Variants in FHOD3 observed in about 807,000 individuals in gnomAD.
FHOD3 encodes the protein FH1/FH2 domain-containing protein 3.
FHOD3 carries 90 observed loss-of-function variants against 173.0 expected under a neutral mutation model. The observed-to-expected ratio is 0.52, with a 90% CI of 0.44 to 0.62. The LOEUF is 0.62. Ranked by LOEUF, FHOD3 falls within the 20% of genes least tolerant of loss-of-function variation. FHOD3 has a pLI of 0.00. For missense variants in FHOD3, 1,945 were observed against 2,034.7 expected (o/e 0.96, Z 0.85); for synonymous variants, 828 against 823.0 (o/e 1.01, Z -0.10).
In FHOD3 at chr18:36,653,323, GC is replaced by G. The variant is rs1217474017; in HGVS notation, c.1647-18del. The stretch of plus-strand genomic sequence containing the variant: ...TCTTTCCGTGCCACATTGTGAGCGG[GC>G]TTTTCTTCCTTTGACAGTTCCTCTG... On this transcript the variant is annotated intron_variant, in intron 12 of 28. Transcript: ENST00000590592. 1 of 1,525,182 alleles carries G rather than the reference GC, an allele frequency of 6.6e-7. No homozygotes were observed. The highest frequency in any genetic ancestry group is 2.0e-5 in the Admixed American group (1 of 49,900). The allele number at this position is 1,525,182 out of a possible 1,614,324, so 94.5% of individuals were successfully genotyped here.
intron 1 of FHOD3, among the ~76,000 whole-genome samples, chr18:36,353,578 T>A (rs1031593237): frequency 1.3e-5 from 2 of 152,286 alleles, no homozygotes; most frequent in Non-Finnish European, 2.9e-5. Flanking sequence ...GCTTTCATTT[T>A]GGAATAATAG....
At chr18:36,418,313 G>A (rs2049784434) in intron 3 of FHOD3, among the ~76,000 whole-genome samples, 1 of 152,202 alleles carries the variant, frequency 6.6e-6, no homozygotes, top group Admixed American at 6.5e-5. Context: ...TATTTAGAAT[G>A]TCTAATTCCA....
chr18:36,308,522 A>C (rs1055655970), intron 1 of FHOD3, among the ~76,000 whole-genome samples: 1 of 152,170 alleles, frequency 6.6e-6, no homozygotes, highest in Non-Finnish European at 1.5e-5. Context: ...AATAAATTAC[A>C]TGTATGTATC....
At chr18:36,338,446 A>T (rs987022834) in intron 1 of FHOD3, among the ~76,000 whole-genome samples, 5 of 152,158 alleles carry the variant, frequency 3.3e-5, no homozygotes, top group African/African-American at 1.2e-4. Flanking sequence ...TTGGCAGCTA[A>T]CCAAAAGTAT....
chr18:36,547,531 C>T (rs2057461383), intron 5 of FHOD3, among the ~76,000 whole-genome samples: 1 of 152,022 alleles, frequency 6.6e-6, no homozygotes, highest in African/African-American at 2.4e-5. Flanking sequence ...CCTTGGCCTC[C>T]CAAAGCTAAG....
intron 3 of FHOD3, among the ~76,000 whole-genome samples, chr18:36,455,111 C>T (rs139015659): frequency 2.1e-3 from 316 of 152,292 alleles, no homozygotes; most frequent in Non-Finnish European, 3.2e-3. Flanking sequence ...GTGTCAGCAA[C>T]GTTTCTGAAA....
intron 5 of FHOD3, chr18:36,544,577 T>G (rs1197764123): frequency 2.0e-5 from 3 of 152,346 alleles, no homozygotes; most frequent in Non-Finnish European, 4.4e-5. Context: ...GCCTCTGGAC[T>G]TGCCAAAGTT....
intron 27 of FHOD3, among the ~76,000 whole-genome samples, chr18:36,763,682 A>G (rs1054347570): frequency 1.3e-5 from 2 of 150,186 alleles, no homozygotes; most frequent in African/African-American, 4.9e-5. Flanking sequence ...TGTATTATAT[A>G]TTTCTGTGTG....
chr18:36,596,445 A>C (rs112712036), intron 7 of FHOD3, among the ~76,000 whole-genome samples: 51,084 of 149,734 alleles, frequency 0.34, 8,874 homozygotes, highest in East Asian at 0.43. Context: ...GGCCTCCCAA[A>C]GTGCTGGGAT....
At chr18:36,521,940 T>A (rs541497047) in intron 5 of FHOD3, among the ~76,000 whole-genome samples, 13 of 152,338 alleles carry the variant, frequency 8.5e-5, no homozygotes, top group African/African-American at 3.1e-4. Flanking sequence ...TCACCCATCT[T>A]CATCTGGTTC....
At chr18:36,440,061 C>T (rs1300157257) in intron 3 of FHOD3, among the ~76,000 whole-genome samples, 4 of 152,130 alleles carry the variant, frequency 2.6e-5, no homozygotes, top group Non-Finnish European at 1.5e-5. Context: ...CACTTAACCT[C>T]CACCATCTTA....
chr18:36,298,824 C>T (rs1370860971), intron 1 of FHOD3, among the ~76,000 whole-genome samples: 1 of 151,724 alleles, frequency 6.6e-6, no homozygotes, highest in East Asian at 1.9e-4. Context: ...AGGCCTCTTG[C>T]AAAGCATTTG....
At chr18:36,482,713 A>G (rs146411571) in intron 3 of FHOD3, among the ~76,000 whole-genome samples, 2 of 152,130 alleles carry the variant, frequency 1.3e-5, no homozygotes, top group East Asian at 3.9e-4. Flanking sequence ...CTAGTTTGCA[A>G]ACTCCCTGAG....
intron 6 of FHOD3, among the ~76,000 whole-genome samples, chr18:36,580,780 G>A (rs1458113563): frequency 1.3e-5 from 2 of 152,290 alleles, no homozygotes; most frequent in East Asian, 1.9e-4. Flanking sequence ...CATACAGTTT[G>A]GTCAATACAG....
chr18:36,737,567 T>C (rs1403288987), intron 20 of FHOD3, among the ~76,000 whole-genome samples: 2 of 152,168 alleles, frequency 1.3e-5, no homozygotes, highest in South Asian at 2.1e-4. Flanking sequence ...GCCTCAGTGA[T>C]TGGAGCCCTG....
intron 1 of FHOD3, among the ~76,000 whole-genome samples, chr18:36,334,698 A>T (rs1274839979): frequency 6.6e-6 from 1 of 152,122 alleles, no homozygotes; most frequent in Non-Finnish European, 1.5e-5. Context: ...TTGATGAAAA[A>T]CTATGCATGT....
chr18:36,526,359 G>A (rs2056513038), intron 5 of FHOD3, among the ~76,000 whole-genome samples: 1 of 152,042 alleles, frequency 6.6e-6, no homozygotes, highest in Admixed American at 6.6e-5. Context: ...GTTCAATCCT[G>A]TATCATTTAT....
intron 3 of FHOD3, among the ~76,000 whole-genome samples, chr18:36,490,450 G>A (rs2054409220): frequency 6.6e-6 from 1 of 152,302 alleles, no homozygotes; most frequent in Non-Finnish European, 1.5e-5. Flanking sequence ...GATGGGGCCA[G>A]TGGGTCCCAA....
intron 3 of FHOD3, among the ~76,000 whole-genome samples, chr18:36,413,218 G>A (rs1296641605): frequency 4.6e-5 from 7 of 152,202 alleles, no homozygotes; most frequent in Non-Finnish European, 2.9e-5. Context: ...AAGATGCCTT[G>A]GTGATGGGTG....
Sources: gnomAD v4.1 joint callset for allele counts (sites outside exome capture counted in the v4.1 genomes callset) on GRCh38, gnomAD v4.1.1 for gene constraint, MANE v1.5 for transcripts, NCBI Gene and HGNC (gene_info 2026-07-23, HGNC 2026-07-21) for gene names.